Variants in LHFPL2 observed in about 807,000 individuals in gnomAD.
LHFPL2 encodes the protein LHFPL tetraspan subfamily member 2 protein.
Under a neutral mutation model 17.5 loss-of-function variants are expected in LHFPL2, and 7 were observed. The observed-to-expected ratio is 0.40, with a 90% CI of 0.23 to 0.75. The LOEUF (loss-of-function observed/expected upper bound fraction) is 0.75. Among genes scored for constraint, LHFPL2 ranks in the 30% least tolerant of loss-of-function variants. The pLI is 0.37. For missense variants in LHFPL2, 241 were observed against 294.8 expected, an observed-to-expected ratio of 0.82 and a Z score of 1.34; for synonymous variants, 134 against 116.2, an observed-to-expected ratio of 1.15 and a Z score of -0.99.
intron 2 of LHFPL2, among the ~76,000 whole-genome samples, chr5:78,610,969 C>G (rs914751151): frequency 2.0e-5 from 3 of 152,060 alleles, no homozygotes; most frequent in Admixed American, 6.5e-5. Context: ...CTCAAGGAGC[C>G]ACAGGCACAG....
chr5:78,644,530 G>T (rs1248724048), intron 1 of LHFPL2: 1 of 573,844 alleles, frequency 1.7e-6, no homozygotes, highest in South Asian at 2.1e-5. Context: ...GCGACACTCA[G>T]AATAGAACAA....
chr5:78,584,590 A>C (rs985918482), intron 2 of LHFPL2, among the ~76,000 whole-genome samples: 3 of 152,024 alleles, frequency 2.0e-5, no homozygotes, highest in Non-Finnish European at 4.4e-5. Flanking sequence ...CCCAGTTAGG[A>C]TGCTCGGGGG....
At chr5:78,631,682 TC>T (rs1416318874) in intron 2 of LHFPL2, among the ~76,000 whole-genome samples, 1 of 152,216 alleles carries the variant, frequency 6.6e-6, no homozygotes, top group Non-Finnish European at 1.5e-5. Context: ...ATGCCTGTAA[TC>T]CCAGCACTTT....
intron 2 of LHFPL2, among the ~76,000 whole-genome samples, chr5:78,610,741 C>A (rs2112485640): frequency 6.6e-6 from 1 of 152,306 alleles, no homozygotes; most frequent in South Asian, 2.1e-4. Flanking sequence ...CTGTTGCTGT[C>A]CCCTCTCCCT....
chr5:78,622,384 G>C (rs1242551538), intron 2 of LHFPL2, among the ~76,000 whole-genome samples: 3 of 152,156 alleles, frequency 2.0e-5, no homozygotes, highest in African/African-American at 7.2e-5. Flanking sequence ...CCTTACATAG[G>C]TTCCCTCATT....
rs1267618668 is a variant in LHFPL2, at chr5:78,625,406, G to A, written c.-245+6858C>T. 2.0e-5 allele frequency: 3 copies of A among 152,092 alleles called. No individual in the cohort carries two copies. The East Asian group carries it at 5.8e-4, about 29-fold the overall frequency. 9.4% of individuals were successfully genotyped at this position (152,092 alleles called of 1,614,324 possible). A position where few individuals can be genotyped will look rare whatever the true frequency, so the allele number is the denominator to read the frequency against. On this transcript the variant is annotated intron_variant, in intron 2 of 4. Transcript: ENST00000380345. ...ATTCTTCTGGGGAAGCTGAGCTATT[G>A]GGGCCATCGTCCAACTTCAGAGGGC...
chr5:78,595,853 G>A (rs1471560735), intron 2 of LHFPL2, among the ~76,000 whole-genome samples: 2 of 152,006 alleles, frequency 1.3e-5, no homozygotes, highest in Admixed American at 1.3e-4. Context: ...TCTTTGGAGG[G>A]GATTCCTGAT....
chr5:78,575,393 A>G (rs1327403135), intron 2 of LHFPL2, among the ~76,000 whole-genome samples: 4 of 151,836 alleles, frequency 2.6e-5, no homozygotes, highest in African/African-American at 9.7e-5. Flanking sequence ...CTAAAAATAC[A>G]AAAAAATTAG....
intron 2 of LHFPL2, among the ~76,000 whole-genome samples, chr5:78,574,450 T>C (rs1315616287): frequency 1.3e-5 from 2 of 152,246 alleles, no homozygotes; most frequent in Non-Finnish European, 2.9e-5. Context: ...CCAGCTCAGC[T>C]AACTGGCCCA....
chr5:78,537,554 C>T (rs1393007434), intron 3 of LHFPL2, among the ~76,000 whole-genome samples: 1 of 152,174 alleles, frequency 6.6e-6, no homozygotes, highest in Non-Finnish European at 1.5e-5. Flanking sequence ...AAGAACAGCT[C>T]TTAGTGAATG....
intron 2 of LHFPL2, among the ~76,000 whole-genome samples, chr5:78,601,636 C>G (rs1049560415): frequency 2.0e-5 from 3 of 152,152 alleles, no homozygotes; most frequent in Non-Finnish European, 4.4e-5. Context: ...AGAAATCATT[C>G]CAGCTTCTCA....
rs115628464 is a variant in LHFPL2, at chr5:78,493,304, A to C, written c.431-4151T>G. Among the ~76,000 whole-genome samples, 1,302 of 152,276 alleles carry C rather than the reference A, an allele frequency of 8.6e-3. 11 individuals carry two copies. The highest frequency in any genetic ancestry group is 0.024 in the African/African-American group (1,006 of 41,534). The stretch of plus-strand genomic sequence containing the variant: ...TTCTCCACTGCTCTCAGGCTGAAGC[A>C]GCTTCAGAGCAGCCTGGGCAGGAGT... On this transcript the variant is annotated intron_variant, in intron 4 of 4. Transcript: ENST00000380345.
intron 2 of LHFPL2, among the ~76,000 whole-genome samples, chr5:78,578,853 CT>C (rs1189533067): frequency 4.6e-5 from 7 of 152,176 alleles, no homozygotes; most frequent in Non-Finnish European, 8.8e-5. Flanking sequence ...AGCTACCTGT[CT>C]TGTAACAAAG....
intron 2 of LHFPL2, among the ~76,000 whole-genome samples, chr5:78,580,226 T>G (rs1281867271): frequency 6.6e-6 from 1 of 152,228 alleles, no homozygotes; most frequent in African/African-American, 2.4e-5. Flanking sequence ...TTTGAGTTCA[T>G]TGTAGATTTT....
chr5:78,577,066 T>C (rs763544631), intron 2 of LHFPL2, among the ~76,000 whole-genome samples: 8 of 152,222 alleles, frequency 5.3e-5, no homozygotes, highest in Non-Finnish European at 1.0e-4. Flanking sequence ...AAAGATCAAA[T>C]GTTTTCTAAA....
rs368958084 is a variant in LHFPL2, at chr5:78,595,859, C to T, written c.-244-30988G>A. Among the ~76,000 whole-genome samples the T allele has an allele frequency of 5.9e-5, 9 of 152,202 alleles. No homozygotes were observed. In the South Asian group the frequency reaches 1.9e-3, roughly 32 times the overall value. On this transcript the variant is annotated intron_variant, in intron 2 of 4. Transcript: ENST00000380345. ...AATTGCCTCTCTTTGGAGGGGATTC[C>T]TGATGAGGAAAAAACAAAAAAGAAA...
intron 2 of LHFPL2, among the ~76,000 whole-genome samples, chr5:78,607,566 C>A (rs1358434793): frequency 1.3e-5 from 2 of 152,148 alleles, no homozygotes; most frequent in Non-Finnish European, 2.9e-5. Flanking sequence ...ATCTTAGTTA[C>A]CCCCATCCAG....
intron 2 of LHFPL2, among the ~76,000 whole-genome samples, chr5:78,622,056 C>A (rs1359245076): frequency 6.6e-6 from 1 of 152,146 alleles, no homozygotes; most frequent in African/African-American, 2.4e-5. Flanking sequence ...AAAATACACA[C>A]TCTAGAAGTC....
intron 2 of LHFPL2, among the ~76,000 whole-genome samples, chr5:78,604,464 G>T (rs111463061): frequency 6.6e-6 from 1 of 152,180 alleles, no homozygotes; most frequent in Non-Finnish European, 1.5e-5. Context: ...CAGCCTGGGT[G>T]ACAGAGCAAG....
Sources: allele counts gnomAD v4.1 joint callset (sites outside exome capture counted in the v4.1 genomes callset), GRCh38; gene constraint gnomAD v4.1.1; transcripts MANE v1.5; gene names NCBI Gene and HGNC (gene_info 2026-07-23, HGNC 2026-07-21).